Variants in ROBO2 observed in about 807,000 individuals in gnomAD.
ROBO2 encodes the protein roundabout homolog 2.
Under a neutral mutation model 160.8 loss-of-function variants are expected in ROBO2, and 53 were observed. The ratio of observed to expected loss-of-function variants is 0.33; its 90% CI spans 0.26 to 0.41. The LOEUF (loss-of-function observed/expected upper bound fraction) is 0.41. Ranked by LOEUF, ROBO2 falls within the 10% of genes least tolerant of loss-of-function variation. ROBO2 has a pLI of 1.00. For synonymous variants in ROBO2, 664 were observed against 611.7 expected, an observed-to-expected ratio of 1.09 and a Z score of -1.26; for missense variants, 1,577 against 1,722.4, an observed-to-expected ratio of 0.92 and a Z score of 1.49.
intron 2 of ROBO2, among the ~76,000 whole-genome samples, chr3:76,207,003 A>G (rs1054716959): frequency 1.3e-5 from 2 of 152,188 alleles, no homozygotes; most frequent in Admixed American, 1.3e-4. Flanking sequence ...TAAATTTTAG[A>G]TATAACCACT....
chr3:76,258,973 T>C (rs1371570522), intron 2 of ROBO2, among the ~76,000 whole-genome samples: 1 of 152,064 alleles, frequency 6.6e-6, no homozygotes, highest in African/African-American at 2.4e-5. Context: ...TTGGCCCCAA[T>C]GGTTATCATT....
intron 2 of ROBO2, among the ~76,000 whole-genome samples, chr3:76,559,961 A>G (rs1399892786): frequency 1.3e-5 from 2 of 152,288 alleles, no homozygotes; most frequent in East Asian, 1.9e-4. Flanking sequence ...GCAGTTTTCC[A>G]AAACTTTAAT....
chr3:75,999,124 T>C (rs987927370), intron 2 of ROBO2, among the ~76,000 whole-genome samples: 7 of 152,178 alleles, frequency 4.6e-5, no homozygotes, highest in Non-Finnish European at 1.0e-4. Flanking sequence ...CTAGTTACTA[T>C]CTGAGCCTCA....
intron 2 of ROBO2, among the ~76,000 whole-genome samples, chr3:76,951,115 G>A (rs5009152): frequency 0.49 from 74,781 of 152,020 alleles, 19,454 homozygotes; most frequent in African/African-American, 0.67. Flanking sequence ...TCATCAAGGT[G>A]ATGAAGGTCT....
At chr3:76,297,387 CA>C (rs1056809605) in intron 2 of ROBO2, among the ~76,000 whole-genome samples, 14 of 152,116 alleles carry the variant, frequency 9.2e-5, no homozygotes, top group Admixed American at 3.9e-4. Flanking sequence ...TAGAAGACTC[CA>C]TTTCCCTGGT....
chr3:77,031,452 T>G (rs1197909886), intron 2 of ROBO2, among the ~76,000 whole-genome samples: 3 of 147,398 alleles, frequency 2.0e-5, no homozygotes, highest in Admixed American at 6.8e-5. Context: ...ACATAATATA[T>G]AGTATATAAA....
intron 2 of ROBO2, among the ~76,000 whole-genome samples, chr3:76,780,889 G>T (rs969296698): frequency 1.5e-4 from 22 of 149,888 alleles, no homozygotes; most frequent in Non-Finnish European, 1.5e-5. Flanking sequence ...GAGTGCTTTG[G>T]TTATTCAGTC....
chr3:77,564,597 A>G, intron 11 of ROBO2: 2 of 404,788 alleles, frequency 4.9e-6, no homozygotes, highest in South Asian at 4.0e-5. Context: ...AGGTATATAT[A>G]TATATACATT....
intron 2 of ROBO2, among the ~76,000 whole-genome samples, chr3:77,311,551 G>A (rs1453615993): frequency 6.6e-6 from 1 of 152,194 alleles, no homozygotes; most frequent in African/African-American, 2.4e-5. Context: ...CTGGGTCAGT[G>A]ATTAAGAACG....
rs1004760351 is a variant in ROBO2 at position 76,386,326 on chromosome 3, C to T, written c.109+448724C>T. 5.5e-5 allele frequency among the ~76,000 whole-genome samples: 7 copies of T among 128,370 alleles called. No individual in the cohort carries two copies. In the South Asian group the frequency reaches 1.7e-3, roughly 31 times the overall value. 84.2% of individuals were successfully genotyped at this position (128,370 alleles called of 152,430 possible). A position where few individuals can be genotyped will look rare whatever the true frequency, so the allele number is the denominator to read the frequency against. ...CCTTCCTTCCTTCTTTCCTTCCCTC[C>T]TTCCCTCCCTCCCTCCCTCCCTCCC... is the stretch of plus-strand genomic sequence containing the variant. On this transcript the variant is annotated intron_variant, in intron 2 of 26. Transcript: ENST00000487694.
At chr3:76,906,709 G>A (rs1263532946) in intron 2 of ROBO2, among the ~76,000 whole-genome samples, 1 of 152,052 alleles carries the variant, frequency 6.6e-6, no homozygotes, top group Non-Finnish European at 1.5e-5. Context: ...ACCTTAGGCA[G>A]TCTGAACTCC....
chr3:76,977,680 A>G (rs563183169), intron 2 of ROBO2, among the ~76,000 whole-genome samples: 245 of 152,282 alleles, frequency 1.6e-3, no homozygotes, highest in Non-Finnish European at 2.7e-3. Flanking sequence ...TAACATTTCT[A>G]TATTTCAGCA....
At chr3:77,390,215 T>C (rs1695962600) in intron 2 of ROBO2, among the ~76,000 whole-genome samples, 1 of 152,144 alleles carries the variant, frequency 6.6e-6, no homozygotes, top group South Asian at 2.1e-4. Flanking sequence ...ACTCGACCTG[T>C]AGGTAACCTG....
chr3:77,041,599 T>G (rs1305903847), intron 1 of ROBO2, among the ~76,000 whole-genome samples: 1 of 152,220 alleles, frequency 6.6e-6, no homozygotes, highest in African/African-American at 2.4e-5. Flanking sequence ...TTTACTGGGA[T>G]ATTTTCACAG....
chr3:77,473,758 A>C (rs2083650504), intron 2 of ROBO2, among the ~76,000 whole-genome samples: 1 of 152,044 alleles, frequency 6.6e-6, no homozygotes, highest in Non-Finnish European at 1.5e-5. Flanking sequence ...GCCTGGCTGC[A>C]GGCTGCTCTT....
At chr3:76,963,166 G>A (rs1198199027) in intron 2 of ROBO2, among the ~76,000 whole-genome samples, 1 of 144,352 alleles carries the variant, frequency 6.9e-6, no homozygotes, top group Non-Finnish European at 1.5e-5. Context: ...AGATTATTTT[G>A]TATATTATCT....
intron 2 of ROBO2, among the ~76,000 whole-genome samples, chr3:77,383,710 A>C (rs759052033): frequency 3.9e-4 from 60 of 152,052 alleles, no homozygotes; most frequent in Non-Finnish European, 8.1e-4. Flanking sequence ...CATGGAGGAA[A>C]AGAGGTTGAC....
chr3:77,138,933 G>C (rs578160903), intron 2 of ROBO2, among the ~76,000 whole-genome samples: 1 of 152,240 alleles, frequency 6.6e-6, no homozygotes, highest in East Asian at 1.9e-4. Flanking sequence ...GTCTGACTCT[G>C]GCTCTGTGTT....
chr3:76,272,553 C>T (rs1707501423), intron 2 of ROBO2, among the ~76,000 whole-genome samples: 1 of 149,944 alleles, frequency 6.7e-6, no homozygotes, highest in Admixed American at 6.8e-5. Context: ...ATCCCAGCTA[C>T]TTGGGAGGCT....
Sources: gnomAD v4.1 joint callset for allele counts (sites outside exome capture counted in the v4.1 genomes callset) on GRCh38, gnomAD v4.1.1 for gene constraint, MANE v1.5 for transcripts, NCBI Gene and HGNC (gene_info 2026-07-23, HGNC 2026-07-21) for gene names.